Variants in DPF3 observed in about 807,000 individuals in gnomAD.
DPF3 encodes double PHD fingers 3.
Under a neutral mutation model 56.8 loss-of-function variants are expected in DPF3, and 18 were observed. That is an observed-to-expected ratio of 0.32 (90% confidence interval 0.22 to 0.47). The LOEUF (loss-of-function observed/expected upper bound fraction) is 0.47. Among genes scored for constraint, DPF3 ranks in the 20% least tolerant of loss-of-function variants. The probability of loss-of-function intolerance (pLI) is 1.00; values close to 1 mark genes in which losing one functional copy is unlikely to be tolerated. For missense variants in DPF3, 403 were observed against 488.8 expected (o/e 0.82, Z 1.65); for synonymous variants, 188 against 180.2 (o/e 1.04, Z -0.35).
chr14:72,648,471 G>A (rs1444175372), intron 8 of DPF3, among the ~76,000 whole-genome samples: 1 of 151,536 alleles, frequency 6.6e-6, no homozygotes, highest in East Asian at 1.9e-4. Flanking sequence ...TGAGGTGGGA[G>A]GATTGCTTGA....
chr14:72,795,287 A>ATATATATATATAT (rs1371528147), intron 1 of DPF3, among the ~76,000 whole-genome samples: 1 of 124,974 alleles, frequency 8.0e-6, no homozygotes, highest in Non-Finnish European at 1.7e-5. Context: ...CAAAAAAAAA[A>ATATATATATATAT]AAAAAAAAAT....
chr14:72,797,524 A>C (rs753924031), intron 1 of DPF3, among the ~76,000 whole-genome samples: 9 of 152,364 alleles, frequency 5.9e-5, no homozygotes, highest in South Asian at 2.1e-4. Context: ...TATTGAACTG[A>C]TATATCAATA....
At chr14:72,772,178 C>CA (rs1891563514) in intron 1 of DPF3, among the ~76,000 whole-genome samples, 2 of 152,186 alleles carry the variant, frequency 1.3e-5, no homozygotes, top group African/African-American at 4.8e-5. Context: ...AGAGAGCTGT[C>CA]CATGTTCTAG....
chr14:72,755,467 C>T (rs1387712564), intron 2 of DPF3, among the ~76,000 whole-genome samples: 1 of 152,212 alleles, frequency 6.6e-6, no homozygotes, highest in African/African-American at 2.4e-5. Flanking sequence ...AAAGGAAGAG[C>T]ACGTGAGTCC....
intron 3 of DPF3, among the ~76,000 whole-genome samples, chr14:72,737,257 G>A (rs1420310390): frequency 6.6e-6 from 1 of 151,448 alleles, no homozygotes; most frequent in Non-Finnish European, 1.5e-5. Flanking sequence ...AAGAGCAATG[G>A]CTTCTTCTCT....
chr14:72,855,259 G>T (rs1466249990), intron 1 of DPF3, among the ~76,000 whole-genome samples: 1 of 152,150 alleles, frequency 6.6e-6, no homozygotes, highest in East Asian at 1.9e-4. Context: ...ACCTCCAATG[G>T]TTTATTTGCC....
chr14:72,627,383 C>T (rs888393868), intron 9 of DPF3, among the ~76,000 whole-genome samples: 1 of 152,082 alleles, frequency 6.6e-6, no homozygotes, highest in African/African-American at 2.4e-5. Flanking sequence ...ACCCCATTGT[C>T]CCAGCACCAT....
At chr14:72,839,483 G>A (rs1884458046) in intron 1 of DPF3, among the ~76,000 whole-genome samples, 1 of 152,232 alleles carries the variant, frequency 6.6e-6, no homozygotes, top group African/African-American at 2.4e-5. Flanking sequence ...GCAGGCAGGC[G>A]TGGAAGTGAG....
At chr14:72,684,621 T>C (rs1223196193) in intron 7 of DPF3, among the ~76,000 whole-genome samples, 2 of 151,390 alleles carry the variant, frequency 1.3e-5, no homozygotes, top group African/African-American at 4.8e-5. Context: ...TGATGTGTGA[T>C]TTTTTTTTCT....
rs759005056 is a variant in DPF3, at chr14:72,723,671, C to T, written c.487G>A (p.Glu163Lys). 3 of 1,591,016 alleles carry T rather than the reference C, an allele frequency of 1.9e-6. No individual in the cohort carries two copies. The highest frequency in any genetic ancestry group is 2.6e-6 in the Non-Finnish European group (3 of 1,172,688). The change falls in exon 5 of 11, where the codon GAG becomes AAG. Residue 163 changes from glutamate to lysine, a missense_variant. Around this residue, in one of 2 missense-constraint regions of DPF3, gnomAD observed 340 missense variants for 374.3 expected, o/e 0.91. Transcript: ENST00000556509. ...EEGNEEEDLEEDIPKRKNRTR... is the reference protein window; with the variant it reads ...EEGNEEEDLEKDIPKRKNRTR... ...CTGTTCTTTCGCTTGGGAATATCCT[C>T]TTCCAAATCCTCTTCTTCATTCCCT... is the stretch of plus-strand genomic sequence containing the variant.
intron 3 of DPF3, among the ~76,000 whole-genome samples, chr14:72,736,077 T>C (rs180903939): frequency 4.4e-4 from 67 of 152,354 alleles, no homozygotes; most frequent in African/African-American, 1.5e-3. Context: ...CCAACAGAAA[T>C]GTAATACCGG....
At chr14:72,736,349 G>A (rs896064320) in intron 3 of DPF3, among the ~76,000 whole-genome samples, 15 of 152,276 alleles carry the variant, frequency 9.9e-5, no homozygotes, top group African/African-American at 3.4e-4. Flanking sequence ...GCCACAGGTG[G>A]CTACCAGCTA....
intron 8 of DPF3, among the ~76,000 whole-genome samples, chr14:72,647,164 G>A (rs1007873035): frequency 3.3e-5 from 5 of 152,206 alleles, no homozygotes; most frequent in South Asian, 2.1e-4. Flanking sequence ...CATGGGCTAT[G>A]TACTACTGCT....
chr14:72,726,267 T>C (rs1889403000), intron 4 of DPF3, among the ~76,000 whole-genome samples: 1 of 152,202 alleles, frequency 6.6e-6, no homozygotes, highest in Non-Finnish European at 1.5e-5. Flanking sequence ...GCCTCGAATT[T>C]AAAGGTCATA....
intron 8 of DPF3, chr14:72,662,213 A>G (rs576114007): frequency 1.0e-6 from 1 of 985,460 alleles, no homozygotes; most frequent in East Asian, 1.1e-4. Flanking sequence ...AAATACCTAA[A>G]GCACATACAT....
chr14:72,641,076 G>C (rs1885549193), intron 8 of DPF3, among the ~76,000 whole-genome samples: 1 of 152,090 alleles, frequency 6.6e-6, no homozygotes, highest in African/African-American at 2.4e-5. Flanking sequence ...GAAGAGGAAG[G>C]GTGGCACCAC....
intron 1 of DPF3, among the ~76,000 whole-genome samples, chr14:72,888,387 G>C (rs1002036983): frequency 6.6e-6 from 1 of 152,138 alleles, no homozygotes; most frequent in Non-Finnish European, 1.5e-5. Context: ...ACAGTTTTAC[G>C]ATGCTAGCTC....
At chr14:72,729,857 T>G (rs941616170) in intron 4 of DPF3, among the ~76,000 whole-genome samples, 2 of 152,114 alleles carry the variant, frequency 1.3e-5, no homozygotes, top group African/African-American at 4.8e-5. Flanking sequence ...CAGATGCCAT[T>G]ACACATTTGT....
At chr14:72,814,271 C>G (rs1343097082) in intron 1 of DPF3, among the ~76,000 whole-genome samples, 1 of 152,128 alleles carries the variant, frequency 6.6e-6, no homozygotes, top group African/African-American at 2.4e-5. Flanking sequence ...TCTTTGAAAG[C>G]CCATAGCAGT....
Sources: gnomAD v4.1 joint callset for allele counts (sites outside exome capture counted in the v4.1 genomes callset) on GRCh38, gnomAD v4.1.1 for gene constraint, gnomAD v4.1.1 regional missense constraint, MANE v1.5 for transcripts, NCBI Gene and HGNC (gene_info 2026-07-23, HGNC 2026-07-21) for gene names.